Variants in DIP2C observed in about 807,000 individuals in gnomAD.
DIP2C encodes the protein disco-interacting protein 2 homolog C.
A neutral mutation model predicts 192.4 loss-of-function variants in DIP2C; 33 were observed. The observed-to-expected ratio is 0.17, with a 90% CI of 0.13 to 0.23. The LOEUF (loss-of-function observed/expected upper bound fraction) is 0.23. Among genes scored for constraint, DIP2C ranks in the 10% least tolerant of loss-of-function variants. DIP2C has a pLI of 1.00. For missense variants in DIP2C, 1,537 were observed against 2,110.1 expected (o/e 0.73, Z 5.32); for synonymous variants, 979 against 864.1 (o/e 1.13, Z -2.33).
At chr10:377,821 G>C (rs969530776) in intron 17 of DIP2C, among the ~76,000 whole-genome samples, 1 of 152,128 alleles carries the variant, frequency 6.6e-6, no homozygotes, top group African/African-American at 2.4e-5. Flanking sequence ...TGGTGACAAG[G>C]GGGTATTTTA....
intron 31 of DIP2C, among the ~76,000 whole-genome samples, chr10:317,048 A>T (rs976899608): frequency 1.3e-5 from 2 of 152,232 alleles, no homozygotes; most frequent in Non-Finnish European, 2.9e-5. Context: ...TGTGACTTCT[A>T]CATCTCAATA....
At chr10:641,380 C>T (rs369564379) in intron 1 of DIP2C, among the ~76,000 whole-genome samples, 311 of 152,298 alleles carry the variant, frequency 2.0e-3, no homozygotes, top group African/African-American at 5.2e-3. Context: ...GGCACCGGCC[C>T]GCACATCTCT....
At chr10:564,320 T>A (rs552965756) in intron 1 of DIP2C, among the ~76,000 whole-genome samples, 2 of 151,786 alleles carry the variant, frequency 1.3e-5, no homozygotes, top group East Asian at 1.9e-4. Context: ...CACAGCTCCA[T>A]CTCCTCAACC....
intron 1 of DIP2C, among the ~76,000 whole-genome samples, chr10:494,274 TA>T (rs34165481): frequency 0.037 from 5,564 of 152,282 alleles, 200 homozygotes; most frequent in African/African-American, 0.09. Context: ...TCCAGAGTCC[TA>T]AACCCCAGGA....
chr10:364,610 C>T (rs1959959071), intron 19 of DIP2C, 28 bp from the exon 20 acceptor site: 1 of 1,606,256 alleles, frequency 6.2e-7, no homozygotes, highest in Admixed American at 1.7e-5. Flanking sequence ...CATCAGGCCA[C>T]TGTTCATGTG....
intron 1 of DIP2C, among the ~76,000 whole-genome samples, chr10:611,396 A>C (rs1853088400): frequency 6.6e-6 from 1 of 152,280 alleles, no homozygotes; most frequent in African/African-American, 2.4e-5. Flanking sequence ...CAGGACCAGC[A>C]ATGTTTTCCT....
chr10:421,252 G>A (rs1966163649), intron 5 of DIP2C, among the ~76,000 whole-genome samples: 1 of 152,166 alleles, frequency 6.6e-6, no homozygotes, highest in Admixed American at 6.5e-5. Context: ...CTCATAGTTT[G>A]GATACATTCT....
intron 1 of DIP2C, among the ~76,000 whole-genome samples, chr10:526,243 G>A (rs1046606301): frequency 3.9e-5 from 6 of 152,188 alleles, no homozygotes; most frequent in South Asian, 4.1e-4. Context: ...CACTCTGAAC[G>A]TCCAAGTGGC....
At position 652,981 on chromosome 10, in the gene DIP2C, C is replaced by T. The variant is rs919834936; in HGVS notation, c.85+36513G>A. Among the ~76,000 whole-genome samples the T allele has an allele frequency of 1.3e-5, 2 of 152,044 alleles. No homozygotes were observed. The highest frequency in any genetic ancestry group is 4.8e-5 in the African/African-American group (2 of 41,378). On this transcript the variant is annotated intron_variant, in intron 1 of 36. Coordinates refer to ENST00000280886, the MANE Select transcript of DIP2C (RefSeq NM_014974.3). The surrounding 1 kb of genome is among the most constrained non-coding windows in gnomAD (Gnocchi z 4.5). ...ACTGTGGGCATCTCAAGGTGCCCCA[C>T]GTCCCCAAAGACCAAGGGGTCACAG...
intron 1 of DIP2C, among the ~76,000 whole-genome samples, chr10:582,765 G>A (rs548643897): frequency 1.3e-4 from 20 of 152,238 alleles, no homozygotes; most frequent in South Asian, 4.2e-4. Flanking sequence ...CCACGTGGCC[G>A]GCCTCTTCCT....
At chr10:608,977 C>A (rs1223690989) in intron 1 of DIP2C, among the ~76,000 whole-genome samples, 1 of 150,956 alleles carries the variant, frequency 6.6e-6, no homozygotes, top group Non-Finnish European at 1.5e-5. Context: ...AATTTGTTCC[C>A]CTAAAAATCC....
intron 6 of DIP2C, among the ~76,000 whole-genome samples, chr10:417,976 G>C (rs878923461): frequency 0.012 from 726 of 62,592 alleles, 79 homozygotes; most frequent in African/African-American, 0.022. Context: ...GTCAGGGCTC[G>C]GATAGGCCTC....
chr10:392,328 G>A (rs551800415), intron 10 of DIP2C, among the ~76,000 whole-genome samples: 15 of 152,284 alleles, frequency 9.9e-5, no homozygotes, highest in African/African-American at 2.2e-4. Context: ...GAGGCCAGTC[G>A]CTCATGGCTG....
rs373497128 is a variant in DIP2C at position 588,585 on chromosome 10, C to T, written c.85+100909G>A. 9.9e-4 allele frequency among the ~76,000 whole-genome samples: 151 copies of T among 152,320 alleles called. 1 individual carries two copies. The highest frequency in any genetic ancestry group is 6.8e-3 in the Middle Eastern group (2 of 294). ...CCTATCAGGACAGTAACAGAGGTCC[C>T]GGCAGAGGTCCCAGGAGGCAAGTCC... is the stretch of plus-strand genomic sequence containing the variant. On this transcript the variant is annotated intron_variant, in intron 1 of 36. Coordinates refer to ENST00000280886, the MANE Select transcript of DIP2C (RefSeq NM_014974.3).
At chr10:398,682 T>G (rs534288934) in intron 10 of DIP2C, among the ~76,000 whole-genome samples, 1 of 152,234 alleles carries the variant, frequency 6.6e-6, no homozygotes, top group African/African-American at 2.4e-5. Context: ...ATAATTACAA[T>G]GGCAAGTTTA....
At chr10:324,262 T>A (rs887887821) in intron 31 of DIP2C, among the ~76,000 whole-genome samples, 2 of 152,234 alleles carry the variant, frequency 1.3e-5, no homozygotes, top group Non-Finnish European at 2.9e-5. Flanking sequence ...AAATTTGACA[T>A]AGGCTGACAT....
Position 337,024 on chromosome 10 carries a change from T to C in DIP2C, c.3584+4175A>G, listed in dbSNP as rs1300967366. Among the ~76,000 whole-genome samples the C allele has an allele frequency of 2.9e-3, 290 of 99,614 alleles. 3 individuals carry two copies. The highest frequency in any genetic ancestry group is 4.7e-3 in the Non-Finnish European group (235 of 50,078). 65.4% of individuals were successfully genotyped at this position (99,614 alleles called of 152,430 possible). On this transcript the variant is annotated intron_variant, in intron 29 of 36. Transcript: ENST00000280886. ...AGGCCTAGGCAGCTGTGTGTGTGTG[T>C]GTGTGTGTTGTGGAGGCCTAGACTG... is the stretch of plus-strand genomic sequence containing the variant.
intron 13 of DIP2C, among the ~76,000 whole-genome samples, chr10:389,110 G>T (rs1422378090): frequency 6.7e-6 from 1 of 150,136 alleles, no homozygotes; most frequent in Non-Finnish European, 1.5e-5. Context: ...GAGGTCTCAA[G>T]GGGCCTTGGG....
At chr10:591,027 C>T (rs1851370356) in intron 1 of DIP2C, among the ~76,000 whole-genome samples, 1 of 152,234 alleles carries the variant, frequency 6.6e-6, no homozygotes. Flanking sequence ...TCAAGATCAA[C>T]ACTGCAAACA....
Sources: gnomAD v4.1 joint callset for allele counts (sites outside exome capture counted in the v4.1 genomes callset) on GRCh38, gnomAD v4.1.1 for gene constraint, Gnocchi (gnomAD v3.1) non-coding constraint, MANE v1.5 for transcripts, NCBI Gene and HGNC (gene_info 2026-07-23, HGNC 2026-07-21) for gene names.